The following HCN1 variants were observed in gnomAD, a reference collection of about 807,000 sequenced individuals.
HCN1 encodes potassium/sodium hyperpolarization-activated cyclic nucleotide-gated channel 1.
A neutral mutation model predicts 78.9 loss-of-function variants in HCN1; 13 were observed. That is an observed-to-expected ratio of 0.16 (90% CI 0.11 to 0.26). HCN1 has a LOEUF of 0.26. Among genes scored for constraint, HCN1 ranks in the 10% least tolerant of loss-of-function variants. The pLI, the probability that HCN1 is intolerant of heterozygous loss-of-function variation, is 1.00. For synonymous variants in HCN1, 552 were observed against 455.5 expected (o/e 1.21, Z -2.70); for missense variants, 810 against 1,154.3 (o/e 0.70, Z 4.32).
intron 5 of HCN1, among the ~76,000 whole-genome samples, chr5:45,352,533 A>C (rs1417203723): frequency 6.6e-6 from 1 of 152,092 alleles, no homozygotes; most frequent in Non-Finnish European, 1.5e-5. Context: ...ATAATAATAA[A>C]ATAAAATAAA....
chr5:45,405,080 G>A (rs1181871544), intron 3 of HCN1, among the ~76,000 whole-genome samples: 1 of 152,104 alleles, frequency 6.6e-6, no homozygotes, highest in Non-Finnish European at 1.5e-5. Context: ...AAAGCCATGA[G>A]TAGAGTATAA....
Position 45,256,516 on chromosome 5 carries a change from G to A in HCN1, c.*5405C>T, listed in dbSNP as rs1157473871. ...ATCTCCAATAGAAATTAAAGAACTG[G>A]CTTCACTTTTTTGTTTGTTTGGGTT... On this transcript the variant is annotated 3_prime_UTR_variant, in exon 8 of 8. Transcript: ENST00000303230. 2 of 152,010 alleles carry A rather than the reference G, an allele frequency of 1.3e-5. No individual in the cohort carries two copies. Among genetic ancestry groups the A allele is most frequent in the Admixed American group, 6.6e-5 (1 of 15,246 alleles). 9.4% of individuals were successfully genotyped at this position (152,010 alleles called of 1,614,324 possible).
chr5:45,447,012 G>C (rs1300327479), intron 3 of HCN1, among the ~76,000 whole-genome samples: 1 of 151,618 alleles, frequency 6.6e-6, no homozygotes. Context: ...ACATCATAAT[G>C]ACAGGATCAA....
intron 2 of HCN1, among the ~76,000 whole-genome samples, chr5:45,554,215 G>A (rs1175817036): frequency 6.6e-6 from 1 of 151,718 alleles, no homozygotes; most frequent in African/African-American, 2.4e-5. Flanking sequence ...ATAATGATTA[G>A]GTATCTTCAT....
intron 3 of HCN1, among the ~76,000 whole-genome samples, chr5:45,448,387 CAAG>C (rs1160632529): frequency 1.3e-5 from 2 of 152,114 alleles, no homozygotes; most frequent in African/African-American, 4.8e-5. Context: ...CATTATTAAA[CAAG>C]AAGAAAAGTA....
intron 3 of HCN1, among the ~76,000 whole-genome samples, chr5:45,408,503 T>C (rs1462871173): frequency 6.6e-6 from 1 of 152,172 alleles, no homozygotes; most frequent in Non-Finnish European, 1.5e-5. Flanking sequence ...CCATACCATA[T>C]AGCCTAGGTG....
intron 6 of HCN1, among the ~76,000 whole-genome samples, chr5:45,298,916 C>A (rs115640141): frequency 6.6e-6 from 1 of 151,962 alleles, no homozygotes; most frequent in Non-Finnish European, 1.5e-5. Context: ...TCATAGCATG[C>A]ACTCTCAATA....
At chr5:45,589,195 C>T (rs781442706) in intron 2 of HCN1, among the ~76,000 whole-genome samples, 2 of 152,114 alleles carry the variant, frequency 1.3e-5, no homozygotes, top group Non-Finnish European at 2.9e-5. Flanking sequence ...CTGTTTTCAG[C>T]ATAATACACT....
Position 45,304,390 on chromosome 5 carries a change from T to C in HCN1, c.1378-551A>G, listed in dbSNP as rs186762879. On this transcript the variant is annotated intron_variant, in intron 5 of 7. Transcript: ENST00000303230. ...CAAAGGAAACTCTAATCTAAAAGTA[T>C]AAATTCATCAGGTGCAGTGGCTCAT... is the stretch of plus-strand genomic sequence containing the variant. Among the ~76,000 whole-genome samples the C allele has an allele frequency of 7.9e-5, 12 of 152,074 alleles. No homozygotes were observed. In the East Asian group the frequency reaches 2.3e-3, roughly 30 times the overall value.
At chr5:45,390,027 T>A (rs1468774861) in intron 4 of HCN1, among the ~76,000 whole-genome samples, 3 of 152,210 alleles carry the variant, frequency 2.0e-5, no homozygotes, top group Middle Eastern at 3.2e-3. Context: ...TCATTCAAAT[T>A]AGACTATTCA....
intron 5 of HCN1, among the ~76,000 whole-genome samples, chr5:45,321,252 C>T (rs1746119880): frequency 1.3e-5 from 2 of 151,866 alleles, no homozygotes; most frequent in South Asian, 4.2e-4. Flanking sequence ...TTATTAAGCC[C>T]CCATTTTGAG....
At chr5:45,675,765 T>C (rs1746254357) in intron 1 of HCN1, among the ~76,000 whole-genome samples, 1 of 151,902 alleles carries the variant, frequency 6.6e-6, no homozygotes, top group Non-Finnish European at 1.5e-5. Context: ...AATTATGTTA[T>C]ACCATTAGAC....
intron 5 of HCN1, among the ~76,000 whole-genome samples, chr5:45,316,483 A>C (rs1020624344): frequency 6.6e-6 from 1 of 152,200 alleles, no homozygotes; most frequent in Non-Finnish European, 1.5e-5. Flanking sequence ...AACTGGAAGC[A>C]TTCCCTTTGA....
intron 2 of HCN1, among the ~76,000 whole-genome samples, chr5:45,493,499 G>A (rs1008798748): frequency 6.6e-6 from 1 of 151,734 alleles, no homozygotes; most frequent in Non-Finnish European, 1.5e-5. Context: ...ATAAGGAATT[G>A]CAATTTTAAG....
chr5:45,520,717 T>A (rs2111777636), intron 2 of HCN1, among the ~76,000 whole-genome samples: 1 of 152,168 alleles, frequency 6.6e-6, no homozygotes, highest in Admixed American at 6.6e-5. Flanking sequence ...ATTCATTTGG[T>A]AAGTATATAT....
intron 2 of HCN1, among the ~76,000 whole-genome samples, chr5:45,533,403 C>T (rs1057354847): frequency 1.3e-5 from 2 of 152,084 alleles, no homozygotes; most frequent in South Asian, 2.1e-4. Flanking sequence ...CTAATAAGGC[C>T]GGTTCATGGC....
At chr5:45,580,793 G>T (rs1238995074) in intron 2 of HCN1, among the ~76,000 whole-genome samples, 2 of 152,128 alleles carry the variant, frequency 1.3e-5, no homozygotes, top group East Asian at 3.9e-4. Flanking sequence ...GCGGTGTTTG[G>T]TTTTTTGTCC....
At chr5:45,454,497 A>T (rs1039649187) in intron 3 of HCN1, among the ~76,000 whole-genome samples, 4 of 151,772 alleles carry the variant, frequency 2.6e-5, no homozygotes, top group African/African-American at 7.3e-5. Context: ...AAATAAAAAA[A>T]AATAAAAAAA....
chr5:45,372,208 TATATA>T (rs1320504564), intron 4 of HCN1, among the ~76,000 whole-genome samples: 2 of 44,610 alleles, frequency 4.5e-5, no homozygotes, highest in African/African-American at 2.7e-4. Context: ...TAATACATAT[TATATA>T]ATATAATATA....
Sources: allele counts gnomAD v4.1 joint callset (sites outside exome capture counted in the v4.1 genomes callset), GRCh38; gene constraint gnomAD v4.1.1; transcripts MANE v1.5; gene names NCBI Gene and HGNC (gene_info 2026-07-23, HGNC 2026-07-21).